Variants in PRORP observed in about 807,000 individuals in gnomAD.
PRORP encodes mitochondrial ribonuclease P catalytic subunit.
PRORP carries 51 observed loss-of-function variants against 59.4 expected under a neutral mutation model. That is an observed-to-expected ratio of 0.86 (90% CI 0.69 to 1.08). PRORP has a LOEUF of 1.08. Among genes scored for constraint, PRORP ranks in the 50% least tolerant of loss-of-function variants. The pLI is 0.00. For synonymous variants in PRORP, 231 were observed against 245.6 expected (o/e 0.94, Z 0.55); for missense variants, 646 against 690.3 (o/e 0.94, Z 0.72).
chr14:35,134,767 C>T (rs2047332343), intron 4 of PRORP, among the ~76,000 whole-genome samples: 1 of 152,172 alleles, frequency 6.6e-6, no homozygotes, highest in South Asian at 2.1e-4. Context: ...GGAGGTATGG[C>T]ACCAGTACTC....
chr14:35,206,233 G>A (rs2049290722), intron 5 of PRORP, among the ~76,000 whole-genome samples: 1 of 152,206 alleles, frequency 6.6e-6, no homozygotes, highest in Non-Finnish European at 1.5e-5. Context: ...TCTTTCTGGT[G>A]AAGAAGGTTT....
At chr14:35,167,106 C>T (rs138424755) in intron 4 of PRORP, among the ~76,000 whole-genome samples, 111 of 152,238 alleles carry the variant, frequency 7.3e-4, no homozygotes, top group African/African-American at 2.3e-3. Context: ...CTTTCAGTCC[C>T]GTTACCTGCT....
At position 35,270,451 on chromosome 14, in the gene PRORP, A is replaced by C. The variant is rs150818048; in HGVS notation, c.1475A>C (p.His492Pro). 2.5e-6 allele frequency: 4 copies of C among 1,614,022 alleles called. No individual in the cohort carries two copies. The highest frequency in any genetic ancestry group is 4.5e-5 in the East Asian group (2 of 44,880). ...TATGCCACACTGCACTCCGGGAATC[A>C]CTGCAGGTTTATCACAAGAGACCTG... ...LLYATLHSGN[H>P]CRFITRDLMR... is the part of the protein sequence containing the mutation. Residue 492 changes from histidine to proline, a missense_variant, in exon 7 of 8, where the codon CAC (histidine) becomes CCC (proline). By Grantham distance (77) the His-to-Pro change is moderately conservative. Transcript: ENST00000534898.
In PRORP at chr14:35,205,137, C is replaced by T. The variant is rs188330030; in HGVS notation, c.1275+24360C>T. 3.9e-5 allele frequency among the ~76,000 whole-genome samples: 6 copies of T among 152,168 alleles called. No homozygotes were observed. The East Asian group carries it at 1.2e-3, about 29-fold the overall frequency. ...TATTTTCTCTCTTTATGGGCTTTGT[C>T]AACATTCTTCAACATCTGCTCTATT... On this transcript the variant is annotated intron_variant, in intron 5 of 7. Transcript: ENST00000534898.
At chr14:35,261,586 G>A (rs2050904452) in intron 5 of PRORP, among the ~76,000 whole-genome samples, 1 of 152,122 alleles carries the variant, frequency 6.6e-6, no homozygotes, top group African/African-American at 2.4e-5. Flanking sequence ...AAAATTAGCT[G>A]GGCGTTGTGG....
Position 35,236,072 on chromosome 14 carries a change from G to A in PRORP, c.1276-30655G>A, listed in dbSNP as rs969823577. The stretch of plus-strand genomic sequence containing the variant: ...GATTGTGCCACTGCACTCCAACCTG[G>A]GCAACACAGCAAGACCCCATCTCCA... On this transcript the variant is annotated intron_variant, in intron 5 of 7. Transcript: ENST00000534898. Among the ~76,000 whole-genome samples, 5 of 143,350 alleles carry A rather than the reference G, an allele frequency of 3.5e-5. No homozygotes were observed. In the East Asian group the frequency reaches 1.1e-3, roughly 30 times the overall value. The allele number at this position is 143,350 out of a possible 152,430, so 94.0% of individuals were successfully genotyped here.
Position 35,273,984 on chromosome 14 carries a change from A to G in PRORP, c.*418A>G, listed in dbSNP as rs1352309531. 6.3e-6 allele frequency: 1 copy of G among 157,982 alleles called. No individual in the cohort carries two copies. Among genetic ancestry groups the G allele is most frequent in the African/African-American group, 2.4e-5 (1 of 41,502 alleles). 9.8% of individuals were successfully genotyped at this position (157,982 alleles called of 1,614,324 possible). On this transcript the variant is annotated 3_prime_UTR_variant, in exon 8 of 8. Coordinates refer to ENST00000534898, the MANE Select transcript of PRORP (RefSeq NM_014672.4). ...TCAAATGCCTCCTCCCATTTCTGGCATAGTCTCATTCTCTGTATGTTATGC... is the reference window on the plus strand; with the variant it reads ...TCAAATGCCTCCTCCCATTTCTGGCGTAGTCTCATTCTCTGTATGTTATGC...
At chr14:35,214,613 A>C (rs1309548803) in intron 5 of PRORP, among the ~76,000 whole-genome samples, 1 of 152,188 alleles carries the variant, frequency 6.6e-6, no homozygotes, top group Admixed American at 6.6e-5. Flanking sequence ...TGGCACCCCA[A>C]AACAAAGCTG....
intron 5 of PRORP, among the ~76,000 whole-genome samples, chr14:35,213,295 G>C (rs80251289): frequency 0.034 from 5,236 of 152,124 alleles, 313 homozygotes; most frequent in African/African-American, 0.12. Flanking sequence ...TCCTGGTTGG[G>C]CACGGTGGCT....
At chr14:35,269,283 G>C (rs2051126774) in intron 6 of PRORP, among the ~76,000 whole-genome samples, 1 of 152,180 alleles carries the variant, frequency 6.6e-6, no homozygotes, top group South Asian at 2.1e-4. Flanking sequence ...TTGCTGTCAT[G>C]ATCATTATTA....
At chr14:35,133,294 C>T (rs895260395) in intron 4 of PRORP, among the ~76,000 whole-genome samples, 4 of 152,164 alleles carry the variant, frequency 2.6e-5, no homozygotes, top group African/African-American at 9.7e-5. Flanking sequence ...TGTTAAAGGA[C>T]TCTGATGCAT....
rs768088675 is a variant in PRORP at position 35,124,077 on chromosome 14, A to G, written c.832A>G (p.Met278Val). 6.2e-6 allele frequency: 10 copies of G among 1,613,942 alleles called. No individual in the cohort carries two copies. The South Asian group carries it at 7.7e-5, about 12-fold the overall frequency. ...ATTGCTAGGTCATGATATTGTTCCTATGTTGGAAACTTTAAAAGCTTTCTT... is the reference window on the plus strand; with the variant it reads ...ATTGCTAGGTCATGATATTGTTCCTGTGTTGGAAACTTTAAAAGCTTTCTT... ...QELLGHDIVP[M>V]LETLKAFFDF... The change falls in exon 2 of 8, where the codon ATG becomes GTG. Residue 278 changes from methionine (M) to valine (V), a missense_variant. Coordinates refer to ENST00000534898, the MANE Select transcript of PRORP (RefSeq NM_014672.4).
intron 5 of PRORP, among the ~76,000 whole-genome samples, chr14:35,240,208 A>G (rs1362052359): frequency 1.3e-5 from 2 of 151,700 alleles, no homozygotes; most frequent in East Asian, 3.9e-4. Flanking sequence ...GTTTCCTTGC[A>G]TTCTGCATAT....
intron 4 of PRORP, among the ~76,000 whole-genome samples, chr14:35,173,783 G>A (rs1365749039): frequency 1.3e-5 from 2 of 151,794 alleles, no homozygotes; most frequent in Non-Finnish European, 2.9e-5. Context: ...TATTATTATT[G>A]TTGTTCTCTC....
At position 35,141,097 on chromosome 14, in the gene PRORP, A is replaced by G. The variant is rs542619280; in HGVS notation, c.1167+13486A>G. Among the ~76,000 whole-genome samples the G allele has an allele frequency of 1.0e-3, 150 of 146,002 alleles. 4 individuals carry two copies. Among genetic ancestry groups the G allele is most frequent in the African/African-American group, 3.4e-3 (142 of 41,198 alleles). ...TTTAAGTGAACAAAGCAGAATTCCA[A>G]ATAATTTGCATCTACTGATTTAACT... On this transcript the variant is annotated intron_variant, in intron 4 of 7. Coordinates refer to ENST00000534898, the MANE Select transcript of PRORP (RefSeq NM_014672.4).
At chr14:35,188,038 C>T (rs2048784920) in intron 5 of PRORP, among the ~76,000 whole-genome samples, 1 of 151,004 alleles carries the variant, frequency 6.6e-6, no homozygotes, top group Non-Finnish European at 1.5e-5. Flanking sequence ...TTATTAGAGA[C>T]AGGGTTTCAC....
intron 7 of PRORP, among the ~76,000 whole-genome samples, chr14:35,271,106 T>TAGGATATACC (rs1467041437): frequency 6.6e-6 from 1 of 150,414 alleles, no homozygotes; most frequent in Admixed American, 6.6e-5. Flanking sequence ...AAACAACATT[T>TAGGATATACC]AGGATATACC....
intron 4 of PRORP, among the ~76,000 whole-genome samples, chr14:35,165,551 A>G (rs1002726897): frequency 2.0e-5 from 3 of 152,172 alleles, no homozygotes; most frequent in African/African-American, 7.2e-5. Context: ...TAAGTTTATG[A>G]TATTATTTAT....
chr14:35,165,689 T>C (rs1463250733), intron 4 of PRORP, among the ~76,000 whole-genome samples: 1 of 152,050 alleles, frequency 6.6e-6, no homozygotes, highest in Non-Finnish European at 1.5e-5. Context: ...ATGTAAGGTT[T>C]TTTTTTTGGA....
Sources: gnomAD v4.1 joint callset for allele counts (sites outside exome capture counted in the v4.1 genomes callset) on GRCh38, gnomAD v4.1.1 for gene constraint, MANE v1.5 for transcripts, NCBI Gene and HGNC (gene_info 2026-07-23, HGNC 2026-07-21) for gene names.